The following PCNX1 variants were observed in gnomAD, a reference collection of about 807,000 sequenced individuals.
PCNX1 encodes the protein pecanex 1, also known as pecanex-like protein 1.
In PCNX1, 78 loss-of-function variants were observed where a neutral mutation model predicts 242.2. That is an observed-to-expected ratio of 0.32 (90% CI 0.27 to 0.39). The LOEUF (loss-of-function observed/expected upper bound fraction) is 0.39, where lower values mean the gene tolerates loss of function less well. Ranked by LOEUF, PCNX1 falls within the 10% of genes least tolerant of loss-of-function variation. The probability of loss-of-function intolerance (pLI) is 1.00; values close to 1 mark genes in which losing one functional copy is unlikely to be tolerated. For missense variants in PCNX1, 2,581 were observed against 2,856.5 expected, an observed-to-expected ratio of 0.90 and a Z score of 2.20; for synonymous variants, 1,024 against 1,032.9, an observed-to-expected ratio of 0.99 and a Z score of 0.17.
rs190741835 is a variant in PCNX1, at chr14:70,949,534, A to G, written c.362+2411A>G. Among the ~76,000 whole-genome samples, 232 of 151,104 alleles carry G rather than the reference A, an allele frequency of 1.5e-3. 1 individual carries two copies. Among genetic ancestry groups the G allele is most frequent in the African/African-American group, 5.5e-3 (223 of 40,456 alleles). On this transcript the variant is annotated intron_variant, in intron 2 of 35. Transcript: ENST00000304743. ...TTTACTTGACATTTATAAGTAGTAT[A>G]CTTTACTTAACCTATTGTAAATTTG...
chr14:71,101,029 G>T (rs917558302), intron 30 of PCNX1, among the ~76,000 whole-genome samples: 20 of 152,232 alleles, frequency 1.3e-4, no homozygotes, highest in African/African-American at 4.8e-4. Context: ...CATTATTTAT[G>T]TATACAGTAT....
intron 1 of PCNX1, among the ~76,000 whole-genome samples, chr14:70,911,714 T>G (rs1021371059): frequency 6.6e-6 from 1 of 152,170 alleles, no homozygotes; most frequent in Non-Finnish European, 1.5e-5. Flanking sequence ...GTGAGATATT[T>G]CATGGGTGTT....
intron 8 of PCNX1, among the ~76,000 whole-genome samples, chr14:71,006,190 G>A (rs1029320695): frequency 6.8e-6 from 1 of 146,978 alleles, no homozygotes; most frequent in African/African-American, 2.5e-5. Flanking sequence ...GTCTCACTAT[G>A]TTGCCTGGGC....
In PCNX1 at chr14:70,988,569, G is replaced by A. The variant is rs1246694735; in HGVS notation, c.2314G>A (p.Ala772Thr). ...GACCTAAGTCTGTCTTGATGCAGCA[G>A]CACAAGCCAGCGAGGAGGCAGTGTC... The part of the protein sequence containing the change: ...GEEQDAVSGA[A>T]QASEEAVSFR... The change falls in exon 7 of 36, where the codon GCA (alanine) becomes ACA (threonine). Residue 772 changes from alanine (A) to threonine (T), a missense_variant and splice_region_variant. This residue lies in a region of PCNX1 where 1,204 missense variants were observed against 1,216.7 expected (regional missense o/e 0.99). Coordinates refer to ENST00000304743, the MANE Select transcript of PCNX1 (RefSeq NM_014982.3). The A allele has an allele frequency of 6.2e-7, 1 of 1,613,880 alleles. No homozygotes were observed. Among genetic ancestry groups the A allele is most frequent in the Non-Finnish European group, 8.5e-7 (1 of 1,179,858 alleles).
At chr14:70,998,219 A>G (rs1279819830) in intron 8 of PCNX1, among the ~76,000 whole-genome samples, 3 of 152,190 alleles carry the variant, frequency 2.0e-5, no homozygotes, top group Non-Finnish European at 4.4e-5. Flanking sequence ...GTGGTGTCAC[A>G]ATAGGTAACC....
Position 71,076,172 on chromosome 14 carries a change from T to G in PCNX1, c.5107-17T>G, listed in dbSNP as rs115407202. The G allele has an allele frequency of 1.7e-3, 2,445 of 1,409,014 alleles. 24 individuals are homozygous for G. In the African/African-American group the frequency reaches 0.03, roughly 18 times the overall value. 87.3% of individuals were successfully genotyped at this position (1,409,014 alleles called of 1,614,324 possible). ...AATTTAATCTGAATTCTTTTTTTTT[T>G]GTCTTGTTCATGTTAGGGTATCATT... is the stretch of plus-strand genomic sequence containing the variant. On this transcript the variant is annotated splice_polypyrimidine_tract_variant and intron_variant, in intron 27 of 35. Coordinates refer to ENST00000304743, the MANE Select transcript of PCNX1 (RefSeq NM_014982.3).
At chr14:70,940,729 C>T (rs2057203100) in intron 1 of PCNX1, among the ~76,000 whole-genome samples, 2 of 152,198 alleles carry the variant, frequency 1.3e-5, no homozygotes, top group South Asian at 4.1e-4. Context: ...TGTCTTCCAA[C>T]TTGGTGCCAT....
chr14:70,977,521 G>C lies in PCNX1; in HGVS notation c.1184G>C (p.Ser395Thr). Residue 395 changes from serine (S) to threonine (T), a missense_variant, in exon 6 of 36, where the codon AGT becomes ACT. Physicochemically the swap from Ser to Thr is moderately conservative, Grantham distance 58 (BLOSUM62 1). Transcript: ENST00000304743. Reference protein sequence around the residue: ...YCSGTDRDTNSTVSSYKSEQT... With the variant: ...YCSGTDRDTNTTVSSYKSEQT... ...AGTGGAACGGACCGGGACACTAACA[G>C]TACTGTCAGCAGCTATAAAAGTGAG... 1 of 1,614,194 alleles carries C rather than the reference G, an allele frequency of 6.2e-7. No homozygotes were observed. The highest frequency in any genetic ancestry group is 1.3e-5 in the African/African-American group (1 of 75,056).
chr14:70,929,607 A>T (rs1179233806), intron 1 of PCNX1, among the ~76,000 whole-genome samples: 1 of 152,238 alleles, frequency 6.6e-6, no homozygotes, highest in Non-Finnish European at 1.5e-5. Flanking sequence ...TAGCTTATGG[A>T]GATAAGAATA....
intron 22 of PCNX1, among the ~76,000 whole-genome samples, chr14:71,049,445 G>T (rs2060958814): frequency 6.6e-6 from 1 of 152,078 alleles, no homozygotes; most frequent in Non-Finnish European, 1.5e-5. Flanking sequence ...AACCTTTTAA[G>T]AAAAATTAAA....
intron 1 of PCNX1, among the ~76,000 whole-genome samples, chr14:70,946,424 C>A (rs2057459684): frequency 6.6e-6 from 1 of 152,146 alleles, no homozygotes; most frequent in Admixed American, 6.6e-5. Flanking sequence ...AATGTGATAC[C>A]TTTGTTCTCC....
intron 16 of PCNX1, among the ~76,000 whole-genome samples, chr14:71,032,888 G>T (rs972478292): frequency 6.6e-6 from 1 of 152,188 alleles, no homozygotes; most frequent in Non-Finnish European, 1.5e-5. Context: ...GGTATATGCA[G>T]TCATTCATTC....
chr14:70,976,534 G>T (rs527394211), intron 5 of PCNX1, among the ~76,000 whole-genome samples: 1 of 151,890 alleles, frequency 6.6e-6, no homozygotes, highest in Non-Finnish European at 1.5e-5. Context: ...CACCACGCCC[G>T]GCTAATTTTT....
chr14:70,946,066 T>C (rs1271184184), intron 1 of PCNX1, among the ~76,000 whole-genome samples: 1 of 152,248 alleles, frequency 6.6e-6, no homozygotes. Context: ...CATCACTGAA[T>C]CCTCCTGTGT....
rs986171430 is a variant in PCNX1, at chr14:71,114,268, T to C, written c.*4333T>C. On this transcript the variant is annotated 3_prime_UTR_variant, in exon 36 of 36. Coordinates refer to ENST00000304743, the MANE Select transcript of PCNX1 (RefSeq NM_014982.3). ...GCCAATCGTTTTCTCCATTTATCTA[T>C]CTTTTTTGTTTGTTTTTAATTTGGT... The C allele has an allele frequency of 1.3e-5, 2 of 152,226 alleles. No individual in the cohort carries two copies. Among genetic ancestry groups the C allele is most frequent in the African/African-American group, 4.8e-5 (2 of 41,460 alleles). 9.4% of individuals were successfully genotyped at this position (152,226 alleles called of 1,614,324 possible).
chr14:70,980,397 TTAA>T (rs1273193671), intron 6 of PCNX1, among the ~76,000 whole-genome samples: 2 of 152,130 alleles, frequency 1.3e-5, no homozygotes, highest in Non-Finnish European at 2.9e-5. Context: ...CAATTAAATG[TTAA>T]TAAGAGATAA....
In PCNX1 at chr14:71,013,014, A is replaced by G. The variant is rs1399203995; in HGVS notation, c.2808A>G (p.Arg936=). The G allele has an allele frequency of 1.9e-6, 3 of 1,613,968 alleles. No individual in the cohort carries two copies. The highest frequency in any genetic ancestry group is 2.5e-6 in the Non-Finnish European group (3 of 1,179,838). The change falls in exon 11 of 36, where the codon AGA becomes AGG. Residue 936 remains arginine (R), a synonymous_variant. Transcript: ENST00000304743. ...VLSLPQIRLN[R]LLTIDTDLLE... is the part of the protein sequence containing the mutation. The stretch of plus-strand genomic sequence containing the variant: ...CTCTCCCACAGATTCGATTGAATAG[A>G]CTATTGACCATTGATACAGATTTGT...
chr14:71,087,003 T>G (rs1394322463), intron 28 of PCNX1, among the ~76,000 whole-genome samples: 1 of 151,970 alleles, frequency 6.6e-6, no homozygotes, highest in Non-Finnish European at 1.5e-5. Flanking sequence ...AAAAAAAAAT[T>G]TCTCATCACA....
chr14:71,001,572 AC>A (rs2059507343), intron 8 of PCNX1, among the ~76,000 whole-genome samples: 1 of 152,228 alleles, frequency 6.6e-6, no homozygotes, highest in Non-Finnish European at 1.5e-5. Context: ...ACGGAAACTT[AC>A]AGGGACAGGT....
Sources: gnomAD v4.1 joint callset for allele counts (sites outside exome capture counted in the v4.1 genomes callset) on GRCh38, gnomAD v4.1.1 for gene constraint, gnomAD v4.1.1 regional missense constraint, MANE v1.5 for transcripts, NCBI Gene and HGNC (gene_info 2026-07-23, HGNC 2026-07-21) for gene names.